The following ZFHX3 variants were observed in gnomAD, a reference collection of about 807,000 sequenced individuals.
ZFHX3 encodes the protein zinc finger homeobox protein 3.
In ZFHX3, 42 loss-of-function variants were observed where a neutral mutation model predicts 279.1. That is an observed-to-expected ratio of 0.15 (90% CI 0.12 to 0.19). The LOEUF (loss-of-function observed/expected upper bound fraction) is 0.19, where lower values mean the gene tolerates loss of function less well. ZFHX3 is among the 10% of genes least tolerant of loss of function. ZFHX3 has a pLI of 1.00. For missense variants in ZFHX3, 4,981 were observed against 4,754.0 expected (o/e 1.05, Z -1.40); for synonymous variants, 2,293 against 1,957.8 (o/e 1.17, Z -4.52).
intron 5 of ZFHX3, among the ~76,000 whole-genome samples, chr16:73,213,742 TA>T (rs1368070538): frequency 6.6e-6 from 1 of 152,196 alleles, no homozygotes; most frequent in Non-Finnish European, 1.5e-5. Context: ...CTGTTTCTCC[TA>T]GTCTTGAGGT....
rs541422769 is a variant in ZFHX3, at chr16:73,835,790, C to G, written c.-1608+55861G>C. On this transcript the variant is annotated intron_variant, in intron 1 of 17. Transcript: ENST00000641206. ...CCGGCCTCCACTTTCTTTTTCCCCACCTATTAAGAGAAAAAAGAAAATTAC... is the reference window on the plus strand; with the variant it reads ...CCGGCCTCCACTTTCTTTTTCCCCAGCTATTAAGAGAAAAAAGAAAATTAC... 1.1e-3 allele frequency among the ~76,000 whole-genome samples: 172 copies of G among 152,120 alleles called. 1 individual carries two copies. Among genetic ancestry groups the G allele is most frequent in the Non-Finnish European group, 1.6e-3 (110 of 67,980 alleles).
Position 73,417,392 on chromosome 16 carries a change from TTTTC to T in ZFHX3, c.-1291+38607_-1291+38610del, listed in dbSNP as rs1406133842. 9.1e-3 allele frequency among the ~76,000 whole-genome samples: 845 copies of T among 92,894 alleles called. 16 individuals are homozygous for T. Among genetic ancestry groups the T allele is most frequent in the African/African-American group, 0.031 (811 of 25,800 alleles). The allele number at this position is 92,894 out of a possible 152,430, so 60.9% of individuals were successfully genotyped here. A position where few individuals can be genotyped will look rare whatever the true frequency, so the allele number is the denominator to read the frequency against. Reference sequence around the variant, plus strand: ...ATTAATTAAGAAAAGGAATTTTTTCTTTTCTTTTTTTTTTTTTTTTTTGGAGACA... The same window carrying T: ...ATTAATTAAGAAAAGGAATTTTTTCTTTTTTTTTTTTTTTTTTTGGAGACA... On this transcript the variant is annotated intron_variant, in intron 3 of 17. Transcript: ENST00000641206.
chr16:73,433,038 G>A lies in ZFHX3; in HGVS notation c.-1291+22965C>T, dbSNP rs114400918. 7.4e-3 allele frequency among the ~76,000 whole-genome samples: 1,126 copies of A among 152,274 alleles called. 13 individuals carry two copies. The highest frequency in any genetic ancestry group is 0.025 in the African/African-American group (1,034 of 41,566). On this transcript the variant is annotated intron_variant, in intron 3 of 17. Transcript: ENST00000641206. ...CACAGGAGGGAGAGGCTGGGGCCTC[G>A]CCACTGTCCTAAGAGCCCTGCTGTG...
At chr16:72,976,212 C>T (rs1962337423) in intron 1 of ZFHX3, among the ~76,000 whole-genome samples, 1 of 152,220 alleles carries the variant, frequency 6.6e-6, no homozygotes, top group Non-Finnish European at 1.5e-5. Context: ...CTGCTCATTC[C>T]ACCAAAACTT....
At chr16:73,111,334 T>C (rs367972758) in intron 7 of ZFHX3, among the ~76,000 whole-genome samples, 1 of 152,314 alleles carries the variant, frequency 6.6e-6, no homozygotes. Flanking sequence ...TAAAAATAAA[T>C]AAACACACTA....
chr16:73,730,033 C>A (rs1277786001), intron 1 of ZFHX3, among the ~76,000 whole-genome samples: 4 of 152,168 alleles, frequency 2.6e-5, no homozygotes, highest in Non-Finnish European at 5.9e-5. Context: ...GACAATCAGA[C>A]AAACATGGTC....
upstream of ZFHX3, among the ~76,000 whole-genome samples, chr16:73,062,850 T>TGTG (rs1180002758): frequency 3.0e-4 from 45 of 152,240 alleles, no homozygotes; most frequent in African/African-American, 1.1e-3. Flanking sequence ...GAGTCCCTTT[T>TGTG]CGAATGTGTA....
intron 1 of ZFHX3, among the ~76,000 whole-genome samples, chr16:73,712,661 T>A (rs1309054882): frequency 6.6e-6 from 1 of 152,170 alleles, no homozygotes; most frequent in Non-Finnish European, 1.5e-5. Flanking sequence ...TGCCCTCTTT[T>A]GTACTGTGGA....
At position 73,042,125 on chromosome 16, in the gene ZFHX3, G is replaced by GA. The variant is rs145407471; in HGVS notation, c.-50+5626dup. 9.3e-3 allele frequency among the ~76,000 whole-genome samples: 1,413 copies of GA among 152,254 alleles called. 24 individuals carry two copies. The highest frequency in any genetic ancestry group is 0.032 in the African/African-American group (1,334 of 41,542). On this transcript the variant is annotated intron_variant, in intron 1 of 9. Coordinates refer to ENST00000268489, the MANE Select transcript of ZFHX3 (RefSeq NM_006885.4). Reference sequence around the variant, plus strand: ...GACTTTCAGGAGTTTAAATGCTTCTGAAAAGCGATGTTTGCATACTGAAGG... The same window carrying GA: ...GACTTTCAGGAGTTTAAATGCTTCTGAAAAAGCGATGTTTGCATACTGAAGG...
intron 1 of ZFHX3, among the ~76,000 whole-genome samples, chr16:73,791,448 T>G (rs1300673499): frequency 6.6e-6 from 1 of 151,670 alleles, no homozygotes; most frequent in Non-Finnish European, 1.5e-5. Flanking sequence ...TTTTTTGAGA[T>G]GGAGTCTTGC....
At chr16:73,528,485 G>A (rs565005044) in intron 2 of ZFHX3, among the ~76,000 whole-genome samples, 1 of 152,302 alleles carries the variant, frequency 6.6e-6, no homozygotes, top group East Asian at 1.9e-4. Context: ...TATGGTCTAT[G>A]TCTTCAAGGA....
At chr16:73,448,685 CGTGTGTGTGTGTGT>C (rs71156167) in intron 3 of ZFHX3, among the ~76,000 whole-genome samples, 3 of 142,088 alleles carry the variant, frequency 2.1e-5, no homozygotes, top group Non-Finnish European at 4.6e-5. Flanking sequence ...TATTTATATA[CGTGTGTGTGTGTGT>C]GTGTGTGTGT....
exon 8 of ZFHX3, chr16:73,093,347 C>G (rs776570803): frequency 4.9e-6 from 2 of 409,652 alleles, no homozygotes; most frequent in Non-Finnish European, 9.7e-6. Context: ...CCCAGGCCAA[C>G]AGACGTCTGA....
chr16:73,632,086 G>C (rs531919592), intron 2 of ZFHX3, among the ~76,000 whole-genome samples: 35 of 152,150 alleles, frequency 2.3e-4, no homozygotes, highest in Non-Finnish European at 3.8e-4. Flanking sequence ...AATGGCCTAG[G>C]ACAGATTATC....
rs113492767 is a variant in ZFHX3, at chr16:73,745,904, T to C, written c.-1607-65664A>G. On this transcript the variant is annotated intron_variant, in intron 1 of 17. Transcript: ENST00000641206. ...ACCCAGATCCAAACCAAAAATTTAG[T>C]TGAAATGTGTTTATGGCCATGTTCC... Among the ~76,000 whole-genome samples, 548 of 152,300 alleles carry C rather than the reference T, an allele frequency of 3.6e-3. 3 individuals carry two copies. The highest frequency in any genetic ancestry group is 0.013 in the African/African-American group (525 of 41,570).
intron 4 of ZFHX3, among the ~76,000 whole-genome samples, chr16:72,877,499 G>C (rs564286506): frequency 2.8e-4 from 43 of 152,306 alleles, no homozygotes; most frequent in African/African-American, 1.0e-3. Flanking sequence ...CGTAGGAGGA[G>C]AATCTCAGTT....
chr16:73,734,981 C>T (rs2053597465), intron 1 of ZFHX3, among the ~76,000 whole-genome samples: 2 of 152,102 alleles, frequency 1.3e-5, no homozygotes, highest in Admixed American at 1.3e-4. Flanking sequence ...TTTAGTAGAA[C>T]CATTTATAAA....
intron 1 of ZFHX3, among the ~76,000 whole-genome samples, chr16:73,817,909 T>C (rs1184131497): frequency 6.6e-6 from 1 of 152,174 alleles, no homozygotes; most frequent in East Asian, 1.9e-4. Context: ...CCCCTCAAAG[T>C]GCCAAGGGTT....
chr16:72,970,407 C>T (rs1344283580), intron 1 of ZFHX3, among the ~76,000 whole-genome samples: 4 of 152,116 alleles, frequency 2.6e-5, no homozygotes, highest in South Asian at 4.1e-4. Flanking sequence ...TAAGTCTCTA[C>T]CCTGAGTCAC....
Sources: allele counts gnomAD v4.1 joint callset (sites outside exome capture counted in the v4.1 genomes callset), GRCh38; gene constraint gnomAD v4.1.1; transcripts MANE v1.5; gene names NCBI Gene and HGNC (gene_info 2026-07-23, HGNC 2026-07-21).